The following ZRANB1 variants were observed in gnomAD, a reference collection of about 807,000 sequenced individuals.
ZRANB1 encodes the protein zinc finger RANBP2-type containing 1.
ZRANB1 carries 16 observed loss-of-function variants against 80.5 expected under a neutral mutation model. The ratio of observed to expected loss-of-function variants is 0.20; its 90% CI spans 0.13 to 0.30. ZRANB1 has a LOEUF of 0.30. Among genes scored for constraint, ZRANB1 ranks in the 10% least tolerant of loss-of-function variants. The probability of loss-of-function intolerance (pLI) is 1.00; values close to 1 mark genes in which losing one functional copy is unlikely to be tolerated. For synonymous variants in ZRANB1, 291 were observed against 293.1 expected (o/e 0.99, Z 0.07); for missense variants, 576 against 862.6 (o/e 0.67, Z 4.16).
the ZRANB1 span, among the ~76,000 whole-genome samples, chr10:124,930,272 GTCTT>G: frequency 3.6e-4 from 55 of 152,024 alleles, no homozygotes; most frequent in African/African-American, 1.0e-3. Flanking sequence ...CTTTCCTTCT[GTCTT>G]TCTTTCTTTC....
chr10:124,963,753 G>A (rs780150511), intron 1 of ZRANB1, among the ~76,000 whole-genome samples: 9 of 151,884 alleles, frequency 5.9e-5, no homozygotes, highest in Non-Finnish European at 1.2e-4. Flanking sequence ...TGAGCAGTGT[G>A]CAATAAAGAC....
the ZRANB1 span, among the ~76,000 whole-genome samples, chr10:124,923,635 A>G: frequency 6.6e-6 from 1 of 151,940 alleles, no homozygotes; most frequent in Non-Finnish European, 1.5e-5. Flanking sequence ...TTAACTGACT[A>G]ACAGTTTCTC....
the ZRANB1 span, among the ~76,000 whole-genome samples, chr10:124,921,964 A>G: frequency 2.0e-5 from 3 of 151,982 alleles, no homozygotes; most frequent in African/African-American, 7.3e-5. Context: ...TAGTGAATTA[A>G]ATTAAAAAAA....
At chr10:124,946,997 T>A (rs1182527563) in intron 1 of ZRANB1, among the ~76,000 whole-genome samples, 1 of 152,152 alleles carries the variant, frequency 6.6e-6, no homozygotes, top group African/African-American at 2.4e-5. Context: ...TGGAAAAAAA[T>A]TGCAACCTCA....
chr10:124,963,567 T>G (rs1249533176), intron 1 of ZRANB1, among the ~76,000 whole-genome samples: 8 of 126,840 alleles, frequency 6.3e-5, no homozygotes, highest in South Asian at 2.7e-4. Flanking sequence ...TTTTTTTTTT[T>G]TTTTTTTTTT....
At chr10:124,973,777 T>C in intron 4 of ZRANB1, 61 bp downstream of exon 4, 4 of 1,453,392 alleles carry the variant, frequency 2.8e-6, no homozygotes, top group Admixed American at 1.9e-5. Flanking sequence ...TTTTGTTTAG[T>C]AAGGCATGGT....
intron 1 of ZRANB1, among the ~76,000 whole-genome samples, chr10:124,961,265 C>T (rs990692516): frequency 6.6e-6 from 1 of 152,190 alleles, no homozygotes; most frequent in Non-Finnish European, 1.5e-5. Context: ...CTCGGCCTCC[C>T]AAAGTGCTAG....
upstream of ZRANB1, among the ~76,000 whole-genome samples, chr10:124,938,915 G>A (rs1023133246): frequency 6.6e-6 from 1 of 151,972 alleles, no homozygotes; most frequent in Non-Finnish European, 1.5e-5. Flanking sequence ...AGTGGCTCGC[G>A]CCTGTAATGC....
chr10:124,948,501 C>G (rs1437067385), intron 1 of ZRANB1, among the ~76,000 whole-genome samples: 1 of 151,748 alleles, frequency 6.6e-6, no homozygotes, highest in Non-Finnish European at 1.5e-5. Flanking sequence ...TTCATTCCAG[C>G]CACTCTTGCC....
rs572684861 is a variant in ZRANB1, at chr10:124,985,272, C to T, written c.*280C>T. On this transcript the variant is annotated 3_prime_UTR_variant, in exon 9 of 9. Transcript: ENST00000359653. ...ATTGTAAATCTGTCTATAAATGTAA[C>T]GCATGTGGTTGTGTAAGACATTGTT... is the stretch of plus-strand genomic sequence containing the variant. 5.0e-5 allele frequency: 16 copies of T among 318,522 alleles called. No homozygotes were observed. Among genetic ancestry groups the T allele is most frequent in the East Asian group, 1.6e-4 (3 of 18,738 alleles). The allele number at this position is 318,522 out of a possible 1,614,324, so 19.7% of individuals were successfully genotyped here. A position where few individuals can be genotyped will look rare whatever the true frequency, so the allele number is the denominator to read the frequency against.
intron 1 of ZRANB1, among the ~76,000 whole-genome samples, chr10:124,960,104 G>A (rs940876554): frequency 6.6e-6 from 1 of 152,128 alleles, no homozygotes; most frequent in African/African-American, 2.4e-5. Context: ...TTTTTTAAGA[G>A]GTTTTGTGGT....
intron 1 of ZRANB1, among the ~76,000 whole-genome samples, chr10:124,950,371 GC>G (rs1413566897): frequency 6.6e-6 from 1 of 152,084 alleles, no homozygotes; most frequent in Non-Finnish European, 1.5e-5. Flanking sequence ...CAGCCCGCCC[GC>G]CTCGGTCTCC....
At position 124,972,019 on chromosome 10, in the gene ZRANB1, G is replaced by A. The variant is rs1456935855; in HGVS notation, c.1057G>A (p.Glu353Lys). The A allele has an allele frequency of 1.2e-6, 2 of 1,613,918 alleles. No homozygotes were observed. Among genetic ancestry groups the A allele is most frequent in the African/African-American group, 2.7e-5 (2 of 75,066 alleles). ...AGCAATGGTGTGTCCTGAACTGACA[G>A]AACAAATCCGGAGAGAGATAGCTGC... is the stretch of plus-strand genomic sequence containing the variant. ...IPAMVCPELT[E>K]QIRREIAASL... Residue 353 changes from glutamate (E) to lysine (K), a missense_variant, in exon 3 of 9, where the codon GAA becomes AAA. Transcript: ENST00000359653.
At chr10:124,980,073 G>A (rs1951919250) in intron 5 of ZRANB1, among the ~76,000 whole-genome samples, 3 of 152,212 alleles carry the variant, frequency 2.0e-5, no homozygotes, top group Admixed American at 2.0e-4. Flanking sequence ...AAAGACAGCT[G>A]GGATTATGAT....
At chr10:124,959,521 A>G (rs1395548457) in intron 1 of ZRANB1, among the ~76,000 whole-genome samples, 2 of 151,626 alleles carry the variant, frequency 1.3e-5, no homozygotes, top group African/African-American at 4.8e-5. Context: ...GGTGGAGTGC[A>G]GTGACATGAT....
upstream of ZRANB1, among the ~76,000 whole-genome samples, chr10:124,938,833 A>G (rs1235390821): frequency 6.6e-6 from 1 of 151,766 alleles, no homozygotes; most frequent in African/African-American, 2.4e-5. Flanking sequence ...TGGCCTCCTG[A>G]GTAGCTGGGA....
intron 2 of ZRANB1, among the ~76,000 whole-genome samples, chr10:124,968,434 A>G (rs1026363535): frequency 4.6e-5 from 7 of 150,886 alleles, no homozygotes; most frequent in Non-Finnish European, 1.0e-4. Context: ...GTAAGATTCC[A>G]GTGAAGCCGG....
chr10:124,921,967 T>TA, the ZRANB1 span, among the ~76,000 whole-genome samples: 2 of 151,864 alleles, frequency 1.3e-5, no homozygotes, highest in African/African-American at 4.8e-5. Context: ...TGAATTAAAT[T>TA]AAAAAAAATT....
upstream of ZRANB1, among the ~76,000 whole-genome samples, chr10:124,938,603 C>T (rs1240825610): frequency 6.6e-6 from 1 of 152,072 alleles, no homozygotes; most frequent in African/African-American, 2.4e-5. Context: ...GGATTACAGG[C>T]GTGAGCACCT....
Sources: gnomAD v4.1 joint callset for allele counts (sites outside exome capture counted in the v4.1 genomes callset) on GRCh38, gnomAD v4.1.1 for gene constraint, MANE v1.5 for transcripts, NCBI Gene and HGNC (gene_info 2026-07-23, HGNC 2026-07-21) for gene names.